Variants in GRAMD1C observed in about 807,000 individuals in gnomAD.
GRAMD1C encodes GRAM domain containing 1C, also known as protein Aster-C.
In GRAMD1C, 89 loss-of-function variants were observed where a neutral mutation model predicts 97.8. The observed-to-expected ratio is 0.91, with a 90% CI of 0.77 to 1.09. GRAMD1C has a LOEUF of 1.09. GRAMD1C is among the 50% of genes least tolerant of loss of function. The pLI is 0.00. For missense variants in GRAMD1C, 740 were observed against 766.4 expected (o/e 0.97, Z 0.41); for synonymous variants, 256 against 267.0 (o/e 0.96, Z 0.40).
At chr3:113,913,675 G>A (rs1330739287) in intron 9 of GRAMD1C, among the ~76,000 whole-genome samples, 1 of 152,044 alleles carries the variant, frequency 6.6e-6, no homozygotes, top group Non-Finnish European at 1.5e-5. Context: ...AGTGTATGGC[G>A]ATTTTTTTCT....
chr3:113,909,254 T>C (rs933998519), intron 9 of GRAMD1C, 134 bp downstream of exon 9: 9 of 428,412 alleles, frequency 2.1e-5, no homozygotes, highest in Non-Finnish European at 3.6e-5. Flanking sequence ...AAAAAAAGAA[T>C]GGGAGCTTAT....
chr3:113,863,835 C>T (rs982083026), intron 2 of GRAMD1C, among the ~76,000 whole-genome samples: 2 of 152,090 alleles, frequency 1.3e-5, no homozygotes, highest in African/African-American at 4.8e-5. Flanking sequence ...GCCCTGACCC[C>T]ACATTTCTGC....
chr3:113,867,830 TC>T (rs1934643771), intron 2 of GRAMD1C, among the ~76,000 whole-genome samples: 1 of 152,226 alleles, frequency 6.6e-6, no homozygotes, highest in Non-Finnish European at 1.5e-5. Context: ...ATTAATGTTT[TC>T]CATCAAATTT....
intron 3 of GRAMD1C, among the ~76,000 whole-genome samples, chr3:113,872,258 A>G (rs1934843186): frequency 1.3e-5 from 2 of 152,108 alleles, no homozygotes; most frequent in African/African-American, 4.8e-5. Context: ...GAAAATTTCT[A>G]TATGTATTTA....
upstream of GRAMD1C, among the ~76,000 whole-genome samples, chr3:113,837,841 G>A (rs971937221): frequency 2.0e-4 from 30 of 152,250 alleles, no homozygotes; most frequent in Non-Finnish European, 4.1e-4. Flanking sequence ...CCGGGAGGTG[G>A]AGGTTGCAGT....
At chr3:113,942,006 C>G (rs927991349) in intron 17 of GRAMD1C, among the ~76,000 whole-genome samples, 3 of 151,492 alleles carry the variant, frequency 2.0e-5, no homozygotes, top group Non-Finnish European at 2.9e-5. Flanking sequence ...GCCTTGACCT[C>G]CTGGGCTCAA....
chr3:113,829,609 G>A (rs1238200697), intron 1 of GRAMD1C, among the ~76,000 whole-genome samples: 1 of 152,114 alleles, frequency 6.6e-6, no homozygotes, highest in Admixed American at 6.6e-5. Context: ...CAAGAATAGT[G>A]CAAAGGCTTC....
At chr3:113,882,484 G>A (rs910154943) in intron 5 of GRAMD1C, among the ~76,000 whole-genome samples, 1 of 151,892 alleles carries the variant, frequency 6.6e-6, no homozygotes. Context: ...AACATAAATA[G>A]CTACCTATTT....
chr3:113,944,271 T>C (rs1319765300), intron 17 of GRAMD1C, among the ~76,000 whole-genome samples: 1 of 152,222 alleles, frequency 6.6e-6, no homozygotes, highest in South Asian at 2.1e-4. Context: ...GAAGCTCTTT[T>C]ATAAGAGCAC....
chr3:113,885,658 TGAGCCAGTGGTAC>T lies in GRAMD1C; in HGVS notation c.540+2831_540+2843del, dbSNP rs369412524. The stretch of plus-strand genomic sequence containing the variant: ...CATGTGGATTTCTTCCTGGAAGTGG[TGAGCCAGTGGTAC>T]GAGCTGGTGGTGTTTACAGAAAGCA... On this transcript the variant is annotated intron_variant, in intron 6 of 17. Transcript: ENST00000358160. 3.3e-6 allele frequency: 5 copies of T among 1,515,560 alleles called. No individual in the cohort carries two copies. In the African/African-American group the frequency reaches 6.9e-5, roughly 21 times the overall value. 93.9% of individuals were successfully genotyped at this position (1,515,560 alleles called of 1,614,324 possible).
chr3:113,905,161 C>T (rs931971890), intron 8 of GRAMD1C, among the ~76,000 whole-genome samples: 3 of 152,186 alleles, frequency 2.0e-5, no homozygotes, highest in African/African-American at 4.8e-5. Context: ...TTCCAGTGTG[C>T]TTCAATCACT....
chr3:113,940,986 G>A (rs1478176618), intron 17 of GRAMD1C, among the ~76,000 whole-genome samples: 10 of 152,194 alleles, frequency 6.6e-5, no homozygotes, highest in African/African-American at 2.4e-4. Context: ...GATGGCTCCA[G>A]TCAGGTCCAG....
intron 2 of GRAMD1C, among the ~76,000 whole-genome samples, chr3:113,858,832 T>A (rs1419733043): frequency 6.6e-6 from 1 of 152,014 alleles, no homozygotes; most frequent in East Asian, 1.9e-4. Context: ...GTGCTAAGAT[T>A]ACAGGTGTGA....
At chr3:113,849,524 T>C (rs1253974843) in intron 2 of GRAMD1C, among the ~76,000 whole-genome samples, 1 of 151,730 alleles carries the variant, frequency 6.6e-6, no homozygotes, top group African/African-American at 2.4e-5. Context: ...TTCAAGCATC[T>C]GTTTAACAAA....
At chr3:113,831,510 C>A (rs111649983) in intron 1 of GRAMD1C, among the ~76,000 whole-genome samples, 3 of 152,166 alleles carry the variant, frequency 2.0e-5, no homozygotes, top group African/African-American at 7.2e-5. Context: ...GCCATTACTT[C>A]TTCAAATATT....
chr3:113,863,307 A>G (rs1934466975), intron 2 of GRAMD1C, among the ~76,000 whole-genome samples: 1 of 152,202 alleles, frequency 6.6e-6, no homozygotes, highest in African/African-American at 2.4e-5. Context: ...TTGAATACCT[A>G]CATAATGCTG....
At position 113,936,388 on chromosome 3, in the gene GRAMD1C, T is replaced by C. The variant is rs750973428; in HGVS notation, c.1579T>C (p.Ser527Pro). Residue 527 changes from serine (S) to proline (P), a missense_variant, in exon 14 of 18, where the codon TCC becomes CCC. Physicochemically the swap from Ser to Pro is moderately conservative, Grantham distance 74. Coordinates refer to ENST00000358160, the MANE Select transcript of GRAMD1C (RefSeq NM_017577.5). ...AACAGCAGAAACAGTTCCTAAACTT[T>C]CCTCTCAGCATTCCTCTGGAGATGT... Reference protein sequence around the residue: ...NRTAETVPKLSSQHSSGDVGL... With the variant: ...NRTAETVPKLPSQHSSGDVGL... 2 of 1,613,806 alleles carry C rather than the reference T, an allele frequency of 1.2e-6. No individual in the cohort carries two copies. The highest frequency in any genetic ancestry group is 1.7e-4 in the Middle Eastern group (1 of 6,060).
chr3:113,833,109 TTTCTTTCTTTC>T (rs1388649544), intron 1 of GRAMD1C, among the ~76,000 whole-genome samples: 1 of 137,078 alleles, frequency 7.3e-6, no homozygotes, highest in Non-Finnish European at 1.6e-5. Flanking sequence ...CTTTTCTTTC[TTTCTTTCTTTC>T]TTTTTTTTTT....
intron 6 of GRAMD1C, among the ~76,000 whole-genome samples, chr3:113,900,683 C>A (rs914663191): frequency 7.9e-5 from 12 of 151,718 alleles, no homozygotes; most frequent in Admixed American, 7.9e-4. Flanking sequence ...GCCTCAGCCT[C>A]CCAAAGTGCT....
Sources: gnomAD v4.1 joint callset for allele counts (sites outside exome capture counted in the v4.1 genomes callset) on GRCh38, gnomAD v4.1.1 for gene constraint, MANE v1.5 for transcripts, NCBI Gene and HGNC (gene_info 2026-07-23, HGNC 2026-07-21) for gene names.